CACNA2D3: variants seen among roughly 807,000 people sequenced by gnomAD.
The protein encoded by CACNA2D3 is voltage-dependent calcium channel subunit alpha-2/delta-3.
CACNA2D3 carries 60 observed loss-of-function variants against 160.6 expected under a neutral mutation model. The observed-to-expected ratio is 0.37, with a 90% CI of 0.30 to 0.46. The LOEUF (loss-of-function observed/expected upper bound fraction) is 0.46. Ranked by LOEUF, CACNA2D3 falls within the 20% of genes least tolerant of loss-of-function variation. The pLI, the probability that CACNA2D3 is intolerant of heterozygous loss-of-function variation, is 1.00. For synonymous variants in CACNA2D3, 558 were observed against 492.9 expected, an observed-to-expected ratio of 1.13 and a Z score of -1.75; for missense variants, 1,205 against 1,365.0, an observed-to-expected ratio of 0.88 and a Z score of 1.85.
intron 3 of CACNA2D3, among the ~76,000 whole-genome samples, chr3:54,354,569 G>T (rs571274436): frequency 1.1e-4 from 17 of 152,196 alleles, no homozygotes; most frequent in Non-Finnish European, 2.2e-4. Flanking sequence ...TTCTTGTGCA[G>T]TCAGAATTTT....
Position 54,497,803 on chromosome 3 carries a change from G to T in CACNA2D3, c.382-5689G>T, listed in dbSNP as rs188920877. ...TTTCAAATTTCCTGAGGGTTTTTAT[G>T]ATGAACAAAAATTGAATTCTATCAC... On this transcript the variant is annotated intron_variant, in intron 4 of 37. Transcript: ENST00000474759. Among the ~76,000 whole-genome samples the T allele has an allele frequency of 3.6e-3, 546 of 151,978 alleles. 7 individuals are homozygous for T. Among genetic ancestry groups the T allele is most frequent in the African/African-American group, 0.012 (515 of 41,530 alleles).
intron 9 of CACNA2D3, among the ~76,000 whole-genome samples, chr3:54,585,468 C>T (rs990838658): frequency 6.6e-6 from 1 of 152,134 alleles, no homozygotes; most frequent in Non-Finnish European, 1.5e-5. Context: ...AACTGGCAGA[C>T]TCAAGTTTTA....
At chr3:54,342,610 C>T (rs544010453) in intron 3 of CACNA2D3, among the ~76,000 whole-genome samples, 1 of 152,266 alleles carries the variant, frequency 6.6e-6, no homozygotes, top group East Asian at 1.9e-4. Flanking sequence ...CTTGTGTTCC[C>T]TCCAAACCAG....
At chr3:55,019,179 C>A (rs1267852674) in intron 35 of CACNA2D3, among the ~76,000 whole-genome samples, 1 of 151,368 alleles carries the variant, frequency 6.6e-6, no homozygotes, top group Non-Finnish European at 1.5e-5. Flanking sequence ...CTTATGGTTT[C>A]TTAATACCTA....
intron 4 of CACNA2D3, among the ~76,000 whole-genome samples, chr3:54,433,731 A>G (rs756160995): frequency 6.6e-6 from 1 of 152,192 alleles, no homozygotes; most frequent in Non-Finnish European, 1.5e-5. Context: ...CACATTATGA[A>G]CAGAGTGCTC....
intron 2 of CACNA2D3, among the ~76,000 whole-genome samples, chr3:54,252,655 C>T (rs1302979516): frequency 1.3e-5 from 2 of 152,168 alleles, no homozygotes; most frequent in Non-Finnish European, 2.9e-5. Context: ...TTTCTGTGCT[C>T]TCTGCTCTGT....
intron 9 of CACNA2D3, among the ~76,000 whole-genome samples, chr3:54,610,085 A>G (rs746399898): frequency 2.6e-5 from 4 of 152,010 alleles, no homozygotes; most frequent in Non-Finnish European, 5.9e-5. Flanking sequence ...CTCTGCCTCC[A>G]TCTTCATATG....
intron 3 of CACNA2D3, among the ~76,000 whole-genome samples, chr3:54,352,809 A>G (rs1416755343): frequency 6.6e-6 from 1 of 152,242 alleles, no homozygotes; most frequent in Non-Finnish European, 1.5e-5. Context: ...TGTGGTCATA[A>G]ATCTTGATAA....
At chr3:54,640,616 T>C (rs1341699694) in intron 10 of CACNA2D3, among the ~76,000 whole-genome samples, 2 of 152,190 alleles carry the variant, frequency 1.3e-5, no homozygotes, top group Non-Finnish European at 2.9e-5. Flanking sequence ...GTGAGCGCAA[T>C]CTTAGAACTT....
chr3:54,712,995 A>G (rs1028646234), intron 11 of CACNA2D3, among the ~76,000 whole-genome samples: 1 of 152,212 alleles, frequency 6.6e-6, no homozygotes, highest in Non-Finnish European at 1.5e-5. Context: ...GGACAGGGGT[A>G]GGGGAACATA....
At position 54,359,293 on chromosome 3, in the gene CACNA2D3, A is replaced by G. The variant is rs536844367; in HGVS notation, c.322-27422A>G. ...TTATTTCAAATATTCTCTGAAAACA[A>G]AGGTCTGGGAGATAAACTTTTGGGA... On this transcript the variant is annotated intron_variant, in intron 3 of 37. Coordinates refer to ENST00000474759, the MANE Select transcript of CACNA2D3 (RefSeq NM_018398.3). Among the ~76,000 whole-genome samples the G allele has an allele frequency of 2.2e-4, 34 of 152,304 alleles. No individual in the cohort carries two copies. In the South Asian group the frequency reaches 5.0e-3, roughly 22 times the overall value.
intron 4 of CACNA2D3, among the ~76,000 whole-genome samples, chr3:54,490,630 T>G (rs2106919457): frequency 6.6e-6 from 1 of 152,276 alleles, no homozygotes; most frequent in South Asian, 2.1e-4. Flanking sequence ...GTGCCAGGAC[T>G]GTGGAGGTGA....
intron 17 of CACNA2D3, among the ~76,000 whole-genome samples, chr3:54,866,955 C>CT (rs1329157927): frequency 3.3e-5 from 5 of 152,204 alleles, no homozygotes; most frequent in African/African-American, 1.2e-4. Flanking sequence ...TTATTAAACT[C>CT]TCCCCCACAG....
chr3:54,385,814 A>G (rs1699177639), intron 3 of CACNA2D3: 2 of 431,962 alleles, frequency 4.6e-6, no homozygotes, highest in East Asian at 6.6e-5. Context: ...TAAAGACAGC[A>G]TAGGATACAA....
chr3:55,055,938 TAGAC>T (rs1191730090), intron 35 of CACNA2D3, among the ~76,000 whole-genome samples: 1 of 152,048 alleles, frequency 6.6e-6, no homozygotes, highest in Non-Finnish European at 1.5e-5. Flanking sequence ...AAAGCAAAAA[TAGAC>T]AGATGAGATT....
intron 2 of CACNA2D3, among the ~76,000 whole-genome samples, chr3:54,135,494 C>T (rs1174617441): frequency 6.6e-6 from 1 of 152,242 alleles, no homozygotes; most frequent in Non-Finnish European, 1.5e-5. Context: ...GGGGAGATAG[C>T]TGCTGGGAAG....
intron 3 of CACNA2D3, among the ~76,000 whole-genome samples, chr3:54,338,467 C>CTCTGTGTGTGTGTGTGTGTGTGTG (rs996617901): frequency 3.4e-4 from 46 of 136,524 alleles, no homozygotes; most frequent in African/African-American, 1.2e-3. Flanking sequence ...TCTCCCCTCC[C>CTCTGTGTGTGTGTGTGTGTGTGTG]TGTGTGTGTG....
chr3:54,581,389 A>G (rs1559518315), intron 8 of CACNA2D3, among the ~76,000 whole-genome samples: 1 of 152,188 alleles, frequency 6.6e-6, no homozygotes, highest in Non-Finnish European at 1.5e-5. Context: ...TAAGCCACAC[A>G]TGTGTCCCTT....
chr3:54,922,435 G>C (rs955906321), intron 27 of CACNA2D3, among the ~76,000 whole-genome samples: 6 of 151,414 alleles, frequency 4.0e-5, no homozygotes, highest in Admixed American at 1.3e-4. Flanking sequence ...CACTTTACCT[G>C]TAGACGTAAA....
Sources: allele counts gnomAD v4.1 joint callset (sites outside exome capture counted in the v4.1 genomes callset), GRCh38; gene constraint gnomAD v4.1.1; transcripts MANE v1.5; gene names NCBI Gene and HGNC (gene_info 2026-07-23, HGNC 2026-07-21).